The following SCN9A variants were observed in gnomAD, a reference collection of about 807,000 sequenced individuals.
SCN9A encodes the protein sodium channel protein type 9 subunit alpha.
SCN9A carries 131 observed loss-of-function variants against 187.0 expected under a neutral mutation model. The observed-to-expected ratio is 0.70, with a 90% CI of 0.61 to 0.81. The LOEUF (loss-of-function observed/expected upper bound fraction) is 0.81, where lower values mean the gene tolerates loss of function less well. Ranked by LOEUF, SCN9A falls within the 30% of genes least tolerant of loss-of-function variation. The pLI is 0.00. For missense variants in SCN9A, 2,252 were observed against 2,396.6 expected, an observed-to-expected ratio of 0.94 and a Z score of 1.26; for synonymous variants, 809 against 808.6, an observed-to-expected ratio of 1.00 and a Z score of -0.01.
chr2:166,328,026 A>T (rs977290668), intron 1 of SCN9A, among the ~76,000 whole-genome samples: 6 of 152,218 alleles, frequency 3.9e-5, no homozygotes, highest in Non-Finnish European at 7.3e-5. Flanking sequence ...TTTTAAGAGT[A>T]TGAAATCCTA....
In SCN9A at chr2:166,309,072, A is replaced by G. The variant is rs1305714219; in HGVS notation, c.259-1998T>C. Among the ~76,000 whole-genome samples, 4 of 152,202 alleles carry G rather than the reference A, an allele frequency of 2.6e-5. 1 individual carries two copies. Among genetic ancestry groups the G allele is most frequent in the African/African-American group, 4.8e-5 (2 of 41,538 alleles). On this transcript the variant is annotated intron_variant, in intron 2 of 26. Transcript: ENST00000642356. ...AAATGAAAAGAAGAAAGTAACTAAT[A>G]TAAGGCAAGATGTGACAGATATCAT...
At position 166,339,600 on chromosome 2, in the gene SCN9A, T is replaced by C. The variant is rs544062895; in HGVS notation, c.-50-27794A>G. 7.9e-5 allele frequency among the ~76,000 whole-genome samples: 12 copies of C among 152,228 alleles called. No homozygotes were observed. The East Asian group carries it at 1.9e-3, about 25-fold the overall frequency. On this transcript the variant is annotated intron_variant, in intron 1 of 26. Transcript: ENST00000642356. ...GGGTGAGAAGGTGTTTTATTCTCTT[T>C]CACCCCAATAAATGATATCAAGCAT... is the stretch of plus-strand genomic sequence containing the variant.
intron 9 of SCN9A, among the ~76,000 whole-genome samples, chr2:166,290,805 C>A (rs1698029270): frequency 6.6e-6 from 1 of 152,046 alleles, no homozygotes; most frequent in South Asian, 2.1e-4. Flanking sequence ...TAATCCATCA[C>A]ATAAACAGAA....
chr2:166,318,574 TA>T (rs200449501), intron 1 of SCN9A, among the ~76,000 whole-genome samples: 15,404 of 146,002 alleles, frequency 0.11, 832 homozygotes, highest in East Asian at 0.17. Context: ...TATCTTTTAT[TA>T]AAAAAAAAAA....
chr2:166,313,063 T>TATG (rs1699015801), intron 1 of SCN9A, among the ~76,000 whole-genome samples: 5 of 148,924 alleles, frequency 3.4e-5, no homozygotes, highest in Non-Finnish European at 7.4e-5. Context: ...ATATAATTAT[T>TATG]TAATTTTCTG....
Position 166,242,584 on chromosome 2 carries a change from C to A in SCN9A, c.3545G>T (p.Arg1182Met). 1 of 1,568,760 alleles carries A rather than the reference C, an allele frequency of 6.4e-7. No individual in the cohort carries two copies. Among genetic ancestry groups the A allele is most frequent in the East Asian group, 2.3e-5 (1 of 42,560 alleles). ...TTCAACAATCTTGTAGCAGGTTTTC[C>A]TGATGTTCCACCAGATTTTTCCTTT... is the stretch of plus-strand genomic sequence containing the variant. ...SGKGKIWWNI[R>M]KTCYKIVEHS... The change falls in exon 19 of 27, where the codon AGG becomes ATG. Residue 1182 changes from arginine (R) to methionine (M), a missense_variant. Arg to Met is a moderately conservative substitution (Grantham distance 91). This residue lies in a region of SCN9A where 313 missense variants were observed against 295.3 expected (regional missense o/e 1.06). Coordinates refer to ENST00000642356, the MANE Select transcript of SCN9A (RefSeq NM_001365536.1).
chr2:166,229,295 T>C (rs1209436187), intron 21 of SCN9A, among the ~76,000 whole-genome samples: 1 of 151,880 alleles, frequency 6.6e-6, no homozygotes. Flanking sequence ...TAAATAAAAA[T>C]AATAAACCAA....
chr2:166,268,033 C>T (rs1696816115), intron 17 of SCN9A, among the ~76,000 whole-genome samples: 1 of 151,974 alleles, frequency 6.6e-6, no homozygotes, highest in Admixed American at 6.6e-5. Flanking sequence ...CACGCTATCT[C>T]TTTTAAATTC....
chr2:166,202,607 C>A (rs1247553176), intron 26 of SCN9A, among the ~76,000 whole-genome samples: 1 of 151,728 alleles, frequency 6.6e-6, no homozygotes, highest in Non-Finnish European at 1.5e-5. Flanking sequence ...GTCTTAATTA[C>A]AATGAGAGAA....
chr2:166,312,816 C>CTT (rs35595054), intron 1 of SCN9A, among the ~76,000 whole-genome samples: 14,156 of 145,886 alleles, frequency 0.097, 802 homozygotes, highest in East Asian at 0.17. Context: ...TGAAAGAAAT[C>CTT]TTTTTTTTTT....
intron 1 of SCN9A, among the ~76,000 whole-genome samples, chr2:166,313,085 A>G (rs1344726638): frequency 1.3e-5 from 2 of 149,120 alleles, no homozygotes; most frequent in Non-Finnish European, 3.0e-5. Flanking sequence ...ATAGTAAATA[A>G]TATAATTATT....
intron 13 of SCN9A, among the ~76,000 whole-genome samples, chr2:166,281,000 C>T (rs944729976): frequency 2.0e-5 from 3 of 152,146 alleles, no homozygotes; most frequent in African/African-American, 7.2e-5. Context: ...AGAAAAAACT[C>T]TTGCTGTAAT....
chr2:166,257,781 T>C (rs1696342407), intron 17 of SCN9A, among the ~76,000 whole-genome samples: 1 of 151,542 alleles, frequency 6.6e-6, no homozygotes, highest in African/African-American at 2.4e-5. Flanking sequence ...TCTATACCTA[T>C]ATAGATAATA....
chr2:166,316,587 C>T (rs1001928861), intron 1 of SCN9A, among the ~76,000 whole-genome samples: 4 of 152,110 alleles, frequency 2.6e-5, no homozygotes, highest in Non-Finnish European at 5.9e-5. Context: ...CCCAGCTGCT[C>T]GGGAGGCTGA....
intron 20 of SCN9A, among the ~76,000 whole-genome samples, chr2:166,236,223 C>G (rs1402380334): frequency 6.6e-6 from 1 of 151,886 alleles, no homozygotes; most frequent in Non-Finnish European, 1.5e-5. Context: ...AACTAGATAA[C>G]TTGATATATG....
rs201531206 is a variant in SCN9A, at chr2:166,286,540, G to T, written c.1398C>A (p.Ser466=). Reference sequence around the variant, plus strand: ...CTTTAGCACTTTTAGAGCTCAGTTTGGATGTTTCAGAAGAACTCTCTGAGA... The same window carrying T: ...CTTTAGCACTTTTAGAGCTCAGTTTTGATGTTTCAGAAGAACTCTCTGAGA... ...MGLSESSSET[S]KLSSKSAKER... The change falls in exon 11 of 27, where the codon TCC becomes TCA. Residue 466 remains serine (S), a synonymous_variant. Coordinates refer to ENST00000642356, the MANE Select transcript of SCN9A (RefSeq NM_001365536.1). 2.8e-5 allele frequency: 45 copies of T among 1,610,092 alleles called. 2 individuals carry two copies. In the South Asian group the frequency reaches 4.7e-4, roughly 17 times the overall value.
rs199623041 is a variant in SCN9A at position 166,293,224 on chromosome 2, T to C, written c.1107+7A>G. ...AAAATACAATGCATGTTTCTCTTGGTACTCACCTGTTGGTAAAGGTTTTCC... is the reference window on the plus strand; with the variant it reads ...AAAATACAATGCATGTTTCTCTTGGCACTCACCTGTTGGTAAAGGTTTTCC... On this transcript the variant is annotated splice_region_variant and intron_variant, in intron 9 of 26. Transcript: ENST00000642356. 33 of 1,575,896 alleles carry C rather than the reference T, an allele frequency of 2.1e-5. No individual in the cohort carries two copies. The highest frequency in any genetic ancestry group is 2.4e-5 in the Non-Finnish European group (28 of 1,158,642).
chr2:166,303,320 A>C lies in SCN9A; in HGVS notation c.689-18T>G, dbSNP rs1454613478. 4 of 1,599,680 alleles carry C rather than the reference A, an allele frequency of 2.5e-6. No homozygotes were observed. In the South Asian group the frequency reaches 4.5e-5, roughly 18 times the overall value. Reference sequence around the variant, plus strand: ...CTTCAGGCCTGAAAATGGGAGAAAAAAGTGTTTGTAATGACATAAAGCCTC... The same window carrying C: ...CTTCAGGCCTGAAAATGGGAGAAAACAGTGTTTGTAATGACATAAAGCCTC... On this transcript the variant is annotated intron_variant, in intron 6 of 26. Coordinates refer to ENST00000642356, the MANE Select transcript of SCN9A (RefSeq NM_001365536.1).
At chr2:166,348,246 A>C (rs1173359014) in intron 1 of SCN9A, among the ~76,000 whole-genome samples, 1 of 75,136 alleles carries the variant, frequency 1.3e-5, no homozygotes, top group Non-Finnish European at 2.4e-5. Context: ...TCCAACATTA[A>C]AAAAAAAAAA....
Sources: gnomAD v4.1 joint callset for allele counts (sites outside exome capture counted in the v4.1 genomes callset) on GRCh38, gnomAD v4.1.1 for gene constraint, gnomAD v4.1.1 regional missense constraint, MANE v1.5 for transcripts, NCBI Gene and HGNC (gene_info 2026-07-23, HGNC 2026-07-21) for gene names.